LRP1B: variants seen among roughly 807,000 people sequenced by gnomAD.
LRP1B encodes the protein low-density lipoprotein receptor-related protein 1B.
A neutral mutation model predicts 556.6 loss-of-function variants in LRP1B; 217 were observed. The ratio of observed to expected loss-of-function variants is 0.39; its 90% confidence interval spans 0.35 to 0.44. The LOEUF (loss-of-function observed/expected upper bound fraction) is 0.44. Among genes scored for constraint, LRP1B ranks in the 20% least tolerant of loss-of-function variants. The probability of loss-of-function intolerance (pLI) is 1.00; values close to 1 mark genes in which losing one functional copy is unlikely to be tolerated. For missense variants in LRP1B, 5,053 were observed against 5,620.8 expected, an observed-to-expected ratio of 0.90 and a Z score of 3.23; for synonymous variants, 2,047 against 1,865.8, an observed-to-expected ratio of 1.10 and a Z score of -2.50.
intron 60 of LRP1B, among the ~76,000 whole-genome samples, chr2:140,459,351 A>G (rs915666813): frequency 3.3e-5 from 5 of 152,176 alleles, no homozygotes; most frequent in African/African-American, 1.2e-4. Context: ...GATTTTTAGA[A>G]TAAAATAAAA....
At position 140,973,052 on chromosome 2, in the gene LRP1B, T is replaced by TTATATATATATATATATATA. The variant is rs200336213; in HGVS notation, c.2887+9088_2887+9107dup. Among the ~76,000 whole-genome samples the TTATATATATATATATATATA allele has an allele frequency of 6.3e-4, 87 of 138,552 alleles. No individual in the cohort carries two copies. In the East Asian group the frequency reaches 8.7e-3, roughly 14 times the overall value. 90.9% of individuals were successfully genotyped at this position (138,552 alleles called of 152,430 possible). A position where few individuals can be genotyped will look rare whatever the true frequency, so the allele number is the denominator to read the frequency against. On this transcript the variant is annotated intron_variant, in intron 18 of 90. Transcript: ENST00000389484. The stretch of plus-strand genomic sequence containing the variant: ...ATGCTTTCATTAAATATATTTCATT[T>TTATATATATATATATATATA]TATATATATATATATATATATATAT...
At chr2:140,749,880 G>A (rs761751352) in intron 35 of LRP1B, among the ~76,000 whole-genome samples, 1 of 152,104 alleles carries the variant, frequency 6.6e-6, no homozygotes, top group Non-Finnish European at 1.5e-5. Flanking sequence ...ATGACTGACA[G>A]TGCAGGTTTG....
At chr2:141,175,060 G>T (rs938573312) in intron 7 of LRP1B, among the ~76,000 whole-genome samples, 1 of 152,044 alleles carries the variant, frequency 6.6e-6, no homozygotes, top group Non-Finnish European at 1.5e-5. Flanking sequence ...TAGGATATCT[G>T]GTGGAAGAAA....
rs190291809 is a variant in LRP1B, at chr2:141,398,466, T to G, written c.343+81930A>C. Among the ~76,000 whole-genome samples the G allele has an allele frequency of 3.3e-4, 50 of 152,304 alleles. No homozygotes were observed. The East Asian group carries it at 8.7e-3, about 27-fold the overall frequency. On this transcript the variant is annotated intron_variant, in intron 3 of 90. Transcript: ENST00000389484. ...GCAGGAAGGTCTAAAATGATGTTAT[T>G]AATAGCCATACAGAGTGGTGAAAGC...
At chr2:141,568,591 T>C (rs1473431493) in intron 2 of LRP1B, among the ~76,000 whole-genome samples, 1 of 151,248 alleles carries the variant, frequency 6.6e-6, no homozygotes, top group Non-Finnish European at 1.5e-5. Flanking sequence ...AGTAGTTTCA[T>C]CTACAGATCT....
intron 2 of LRP1B, among the ~76,000 whole-genome samples, chr2:141,773,456 A>C (rs865810254): frequency 6.6e-6 from 1 of 152,252 alleles, no homozygotes; most frequent in Non-Finnish European, 1.5e-5. Flanking sequence ...CAAGAATCTT[A>C]AAGCTTCAGG....
At chr2:140,558,226 A>G (rs978042778) in intron 43 of LRP1B, among the ~76,000 whole-genome samples, 2 of 152,152 alleles carry the variant, frequency 1.3e-5, no homozygotes, top group African/African-American at 4.8e-5. Context: ...ATGGTTAAAC[A>G]TAGTGTCTGT....
intron 66 of LRP1B, among the ~76,000 whole-genome samples, chr2:140,405,458 A>T (rs1475684104): frequency 2.6e-5 from 4 of 152,202 alleles, no homozygotes; most frequent in African/African-American, 4.8e-5. Context: ...TTGAGAAATC[A>T]TTAGGGAGAT....
chr2:140,875,527 T>A (rs1693278496), intron 25 of LRP1B, among the ~76,000 whole-genome samples: 1 of 152,196 alleles, frequency 6.6e-6, no homozygotes, highest in East Asian at 1.9e-4. Context: ...TTCACCTCTT[T>A]TTTGAAATCC....
chr2:140,691,095 G>A (rs1441490676), intron 41 of LRP1B, among the ~76,000 whole-genome samples: 1 of 152,110 alleles, frequency 6.6e-6, no homozygotes, highest in Non-Finnish European at 1.5e-5. Flanking sequence ...AAAATCAAAT[G>A]TGTTTTGAAA....
chr2:141,291,595 G>A (rs1215735602), intron 3 of LRP1B, among the ~76,000 whole-genome samples: 3 of 151,924 alleles, frequency 2.0e-5, no homozygotes, highest in Admixed American at 6.6e-5. Flanking sequence ...GGTGGCTCAC[G>A]CCTGTAATCC....
At chr2:140,874,418 G>C (rs180703741) in intron 25 of LRP1B, among the ~76,000 whole-genome samples, 4 of 151,822 alleles carry the variant, frequency 2.6e-5, no homozygotes, top group South Asian at 2.1e-4. Context: ...ATTAACTTTT[G>C]TTTGTTGTGG....
At chr2:141,786,292 G>T (rs538294961) in intron 2 of LRP1B, among the ~76,000 whole-genome samples, 2 of 152,028 alleles carry the variant, frequency 1.3e-5, no homozygotes, top group African/African-American at 4.8e-5. Flanking sequence ...TGACATATTT[G>T]AGTATCCTCA....
intron 1 of LRP1B, among the ~76,000 whole-genome samples, chr2:141,951,687 T>C (rs965418140): frequency 3.3e-5 from 5 of 152,096 alleles, no homozygotes; most frequent in Non-Finnish European, 7.4e-5. Context: ...CTAACTAAAT[T>C]AGCATCATTT....
At chr2:140,730,749 G>A (rs914445443) in intron 35 of LRP1B, among the ~76,000 whole-genome samples, 1 of 152,092 alleles carries the variant, frequency 6.6e-6, no homozygotes, top group East Asian at 1.9e-4. Flanking sequence ...AGTAGAGACG[G>A]AGTTTCACTG....
intron 3 of LRP1B, among the ~76,000 whole-genome samples, chr2:141,403,251 G>A (rs1015502915): frequency 2.0e-5 from 3 of 151,966 alleles, no homozygotes; most frequent in African/African-American, 7.3e-5. Flanking sequence ...TGTTTTAGCA[G>A]ACTCAGTGGC....
chr2:140,609,769 G>A (rs902058551), intron 41 of LRP1B, among the ~76,000 whole-genome samples: 19 of 152,046 alleles, frequency 1.2e-4, no homozygotes, highest in African/African-American at 3.4e-4. Context: ...GATCACTGCC[G>A]TTACCTCTTG....
rs554615560 is a variant in LRP1B, at chr2:141,385,108, G to A, written c.343+95288C>T. On this transcript the variant is annotated intron_variant, in intron 3 of 90. Transcript: ENST00000389484. The stretch of plus-strand genomic sequence containing the variant: ...ACACTTAGGAGCTGAATTTTTGTAC[G>A]CCACTGCAGCTAAATTGTATTAATG... 3.9e-5 allele frequency among the ~76,000 whole-genome samples: 6 copies of A among 152,186 alleles called. No homozygotes were observed. In the South Asian group the frequency reaches 6.2e-4, roughly 16 times the overall value.
intron 25 of LRP1B, among the ~76,000 whole-genome samples, chr2:140,871,887 T>C (rs568081912): frequency 3.7e-3 from 562 of 152,190 alleles, no homozygotes; most frequent in Non-Finnish European, 6.0e-3. Flanking sequence ...TTATCCTAGC[T>C]GAAATATGGT....
Sources: allele counts gnomAD v4.1 joint callset (sites outside exome capture counted in the v4.1 genomes callset), GRCh38; gene constraint gnomAD v4.1.1; transcripts MANE v1.5; gene names NCBI Gene and HGNC (gene_info 2026-07-23, HGNC 2026-07-21).